ATP2B2: variants seen among roughly 807,000 people sequenced by gnomAD.
ATP2B2 encodes ATPase plasma membrane Ca2+ transporting 2.
ATP2B2 carries 15 observed loss-of-function variants against 120.0 expected under a neutral mutation model. The ratio of observed to expected loss-of-function variants is 0.12; its 90% confidence interval spans 0.08 to 0.19. The LOEUF is 0.19. Ranked by LOEUF, ATP2B2 falls within the 10% of genes least tolerant of loss-of-function variation. The pLI, the probability that ATP2B2 is intolerant of heterozygous loss-of-function variation, is 1.00. For synonymous variants in ATP2B2, 694 were observed against 700.3 expected, an observed-to-expected ratio of 0.99 and a Z score of 0.14; for missense variants, 1,045 against 1,719.8, an observed-to-expected ratio of 0.61 and a Z score of 6.94.
chr3:10,700,700 C>A (rs1482545426), intron 1 of ATP2B2, among the ~76,000 whole-genome samples: 2 of 152,230 alleles, frequency 1.3e-5, no homozygotes, highest in African/African-American at 4.8e-5. Context: ...TTAGAATGGA[C>A]TGAGTTATGC....
intron 1 of ATP2B2, among the ~76,000 whole-genome samples, chr3:10,474,708 G>A (rs2125297824): frequency 6.6e-6 from 1 of 152,376 alleles, no homozygotes; most frequent in African/African-American, 2.4e-5. Context: ...CACCTTGTAA[G>A]GTTCCACACT....
chr3:10,697,257 T>C (rs1417010145), intron 1 of ATP2B2, among the ~76,000 whole-genome samples: 18 of 152,166 alleles, frequency 1.2e-4, no homozygotes, highest in Admixed American at 9.8e-4. Flanking sequence ...GCTGGTCTCA[T>C]GTGGGCCCTG....
chr3:10,683,760 G>GTGTGTGTATATATATATA (rs1446781892), intron 1 of ATP2B2, among the ~76,000 whole-genome samples: 7 of 53,900 alleles, frequency 1.3e-4, no homozygotes, highest in East Asian at 9.6e-4. Flanking sequence ...GTGTGTGTGT[G>GTGTGTGTATATATATATA]TATATATATA....
intron 2 of ATP2B2, among the ~76,000 whole-genome samples, chr3:10,555,835 T>C (rs1403590976): frequency 6.6e-6 from 1 of 152,198 alleles, no homozygotes; most frequent in Admixed American, 6.5e-5. Flanking sequence ...GCTGGCCTGA[T>C]TAGGACCCCA....
At chr3:10,501,239 C>A (rs187906108) in intron 1 of ATP2B2, among the ~76,000 whole-genome samples, 1 of 152,200 alleles carries the variant, frequency 6.6e-6, no homozygotes, top group South Asian at 2.1e-4. Flanking sequence ...AAGGCTTTTA[C>A]CGTCACTCCC....
At chr3:10,581,351 AGAG>A (rs367886401) in intron 2 of ATP2B2, among the ~76,000 whole-genome samples, 1 of 152,168 alleles carries the variant, frequency 6.6e-6, no homozygotes, top group African/African-American at 2.4e-5. Flanking sequence ...TCATTCAGGG[AGAG>A]GAGATTTAGC....
chr3:10,398,489 G>T (rs1388538278), intron 5 of ATP2B2, among the ~76,000 whole-genome samples: 2 of 152,114 alleles, frequency 1.3e-5, no homozygotes, highest in Non-Finnish European at 2.9e-5. Context: ...AAGATGACTG[G>T]GAATCCTGCC....
intron 2 of ATP2B2, among the ~76,000 whole-genome samples, chr3:10,613,938 T>C (rs913728541): frequency 6.6e-6 from 1 of 152,090 alleles, no homozygotes; most frequent in Non-Finnish European, 1.5e-5. Flanking sequence ...TCCCCAAACA[T>C]CCCAAGCTTC....
intron 2 of ATP2B2, among the ~76,000 whole-genome samples, chr3:10,573,399 G>A (rs946782315): frequency 6.6e-6 from 1 of 152,184 alleles, no homozygotes; most frequent in Non-Finnish European, 1.5e-5. Context: ...CAGAGAGTAA[G>A]CTCCTGCATG....
chr3:10,369,393 C>T (rs1027160745), intron 12 of ATP2B2, among the ~76,000 whole-genome samples: 4 of 152,090 alleles, frequency 2.6e-5, no homozygotes, highest in South Asian at 2.1e-4. Flanking sequence ...CCAAGCAGAC[C>T]GTAGGCTAGA....
intron 8 of ATP2B2, among the ~76,000 whole-genome samples, chr3:10,382,978 G>A (rs1409943467): frequency 2.0e-5 from 3 of 151,982 alleles, no homozygotes; most frequent in African/African-American, 4.8e-5. Context: ...CTCACCTGGA[G>A]TCTGGAAAGC....
intron 1 of ATP2B2, among the ~76,000 whole-genome samples, chr3:10,665,902 C>T (rs560506187): frequency 6.6e-6 from 1 of 152,280 alleles, no homozygotes; most frequent in South Asian, 2.1e-4. Flanking sequence ...CTGCTTCTGT[C>T]CTCATCAGAA....
At position 10,469,075 on chromosome 3, in the gene ATP2B2, C is replaced by T. The variant is rs1336204746; in HGVS notation, c.-319-19213G>A. Among the ~76,000 whole-genome samples the T allele has an allele frequency of 3.3e-5, 5 of 152,212 alleles. No homozygotes were observed. The East Asian group carries it at 9.6e-4, about 29-fold the overall frequency. On this transcript the variant is annotated intron_variant, in intron 1 of 22. Coordinates refer to ENST00000360273, the MANE Select transcript of ATP2B2 (RefSeq NM_001001331.4). Reference sequence around the variant, plus strand: ...CATCTCGCAAACTTTTGCTGTGGATCGACTTCGATGTGTAATGCAGTGTGG... The same window carrying T: ...CATCTCGCAAACTTTTGCTGTGGATTGACTTCGATGTGTAATGCAGTGTGG...
chr3:10,332,935 G>A lies in ATP2B2; in HGVS notation c.3421-3810C>T, dbSNP rs367668030. ...AATAGGGACGTGCCATTAAGTTTCC[G>A]GGGCAAAAACAACCTCGTTTTTGAG... On this transcript the variant is annotated intron_variant, in intron 22 of 22. Coordinates refer to ENST00000360273, the MANE Select transcript of ATP2B2 (RefSeq NM_001001331.4). Among the ~76,000 whole-genome samples the A allele has an allele frequency of 2.6e-4, 40 of 152,254 alleles. 1 individual carries two copies. Among genetic ancestry groups the A allele is most frequent in the African/African-American group, 8.9e-4 (37 of 41,554 alleles).
At chr3:10,406,581 C>T (rs2062419495) in intron 3 of ATP2B2, among the ~76,000 whole-genome samples, 1 of 152,220 alleles carries the variant, frequency 6.6e-6, no homozygotes, top group Non-Finnish European at 1.5e-5. Flanking sequence ...ACGGGCTGCA[C>T]CATACAGCTC....
chr3:10,422,444 G>A (rs1393046558), intron 2 of ATP2B2, among the ~76,000 whole-genome samples: 1 of 152,194 alleles, frequency 6.6e-6, no homozygotes, highest in East Asian at 1.9e-4. Flanking sequence ...TCACGGTGTT[G>A]ACGGTTCCTG....
intron 1 of ATP2B2, among the ~76,000 whole-genome samples, chr3:10,481,726 G>A (rs1241250995): frequency 6.6e-6 from 1 of 151,998 alleles, no homozygotes; most frequent in African/African-American, 2.4e-5. Flanking sequence ...GCTAATTTTT[G>A]TATTTTCAGT....
At chr3:10,488,124 T>G (rs1238903787) in intron 1 of ATP2B2, among the ~76,000 whole-genome samples, 1 of 147,716 alleles carries the variant, frequency 6.8e-6, no homozygotes, top group African/African-American at 2.5e-5. Flanking sequence ...CATCCACCCA[T>G]CCATCCATCC....
chr3:10,377,070 G>C (rs1051192456), intron 10 of ATP2B2, among the ~76,000 whole-genome samples: 3 of 152,200 alleles, frequency 2.0e-5, no homozygotes, highest in Admixed American at 1.3e-4. Context: ...ACCCAGGAGT[G>C]CTTGACTGTG....
Sources: gnomAD v4.1 joint callset for allele counts (sites outside exome capture counted in the v4.1 genomes callset) on GRCh38, gnomAD v4.1.1 for gene constraint, MANE v1.5 for transcripts, NCBI Gene and HGNC (gene_info 2026-07-23, HGNC 2026-07-21) for gene names.